The following DPP10 variants were observed in gnomAD, a reference collection of about 807,000 sequenced individuals.
DPP10 encodes inactive dipeptidyl peptidase 10.
Under a neutral mutation model 120.9 loss-of-function variants are expected in DPP10, and 33 were observed. The observed-to-expected ratio is 0.27, with a 90% CI of 0.21 to 0.37. DPP10 has a LOEUF of 0.37. Ranked by LOEUF, DPP10 falls within the 10% of genes least tolerant of loss-of-function variation. DPP10 has a pLI of 1.00. For missense variants in DPP10, 816 were observed against 942.8 expected (o/e 0.87, Z 1.76); for synonymous variants, 337 against 326.1 (o/e 1.03, Z -0.36).
At chr2:115,684,790 GAA>G (rs2090887148) in intron 5 of DPP10, among the ~76,000 whole-genome samples, 1 of 151,784 alleles carries the variant, frequency 6.6e-6, no homozygotes, top group Non-Finnish European at 1.5e-5. Flanking sequence ...AAAAAATTGT[GAA>G]AAACAGTTAA....
At chr2:115,294,890 C>T (rs928914104) in intron 1 of DPP10, among the ~76,000 whole-genome samples, 6 of 152,034 alleles carry the variant, frequency 3.9e-5, no homozygotes, top group African/African-American at 1.2e-4. Flanking sequence ...TGTCCCTCCC[C>T]AACCCCTCCT....
chr2:115,413,434 T>C (rs901196025), intron 3 of DPP10, among the ~76,000 whole-genome samples: 1 of 152,140 alleles, frequency 6.6e-6, no homozygotes, highest in Non-Finnish European at 1.5e-5. Context: ...TCCACAGTAG[T>C]GGAGCATGAG....
Position 115,797,943 on chromosome 2 carries a change from A to G in DPP10, c.1700+6587A>G, listed in dbSNP as rs145856645. Among the ~76,000 whole-genome samples the G allele has an allele frequency of 3.4e-3, 452 of 132,284 alleles. 2 individuals are homozygous for G. Among genetic ancestry groups the G allele is most frequent in the Middle Eastern group, 8.9e-3 (2 of 224 alleles). 86.8% of individuals were successfully genotyped at this position (132,284 alleles called of 152,430 possible). ...CTGGAATATATATATATGTGTATATATGTGTGTGTGTGTATATATATATAT... is the reference window on the plus strand; with the variant it reads ...CTGGAATATATATATATGTGTATATGTGTGTGTGTGTGTATATATATATAT... On this transcript the variant is annotated intron_variant, in intron 19 of 25. Transcript: ENST00000410059.
At chr2:114,899,540 A>G (rs1346703474) in intron 1 of DPP10, among the ~76,000 whole-genome samples, 1 of 151,994 alleles carries the variant, frequency 6.6e-6, no homozygotes, top group Admixed American at 6.6e-5. Flanking sequence ...TACTTTTACC[A>G]CCTAACTATG....
At chr2:115,719,072 T>C (rs1009517256) in intron 7 of DPP10, among the ~76,000 whole-genome samples, 3 of 152,216 alleles carry the variant, frequency 2.0e-5, no homozygotes, top group Non-Finnish European at 4.4e-5. Context: ...TCACGAGGTC[T>C]TCTCTTATGC....
intron 3 of DPP10, among the ~76,000 whole-genome samples, chr2:115,448,040 C>A (rs1005529495): frequency 6.6e-6 from 1 of 152,146 alleles, no homozygotes; most frequent in South Asian, 2.1e-4. Flanking sequence ...ATAGACATAA[C>A]ATTGTTTAAG....
intron 1 of DPP10, among the ~76,000 whole-genome samples, chr2:114,920,434 G>A (rs975218514): frequency 6.6e-6 from 1 of 152,118 alleles, no homozygotes; most frequent in Non-Finnish European, 1.5e-5. Context: ...ATACGTGCTA[G>A]CACCTTCAAT....
chr2:115,410,539 G>T (rs890450225), intron 3 of DPP10, among the ~76,000 whole-genome samples: 1 of 152,180 alleles, frequency 6.6e-6, no homozygotes, highest in Non-Finnish European at 1.5e-5. Context: ...ATACCTAGAT[G>T]ATGAGTTGAT....
chr2:115,173,286 T>A (rs1397670988), intron 1 of DPP10, among the ~76,000 whole-genome samples: 17 of 152,180 alleles, frequency 1.1e-4, no homozygotes. Context: ...ATTAGCTGCT[T>A]GGACTCAGAA....
chr2:114,785,863 A>G (rs976647820), intron 1 of DPP10, among the ~76,000 whole-genome samples: 5 of 152,222 alleles, frequency 3.3e-5, no homozygotes, highest in Admixed American at 6.5e-5. Flanking sequence ...GGTTAAATAA[A>G]CAACTAAGAG....
chr2:115,562,969 A>G (rs1484222837), intron 5 of DPP10, among the ~76,000 whole-genome samples: 6 of 152,210 alleles, frequency 3.9e-5, no homozygotes, highest in Non-Finnish European at 8.8e-5. Flanking sequence ...CCAGTTGGCT[A>G]TCTTTCTTTC....
rs66544851 is a variant in DPP10 at position 114,726,234 on chromosome 2, T to TAA, written c.60+283414_60+283415dup. Among the ~76,000 whole-genome samples the TAA allele has an allele frequency of 2.9e-3, 332 of 113,840 alleles. 1 individual carries two copies. Among genetic ancestry groups the TAA allele is most frequent in the African/African-American group, 8.7e-3 (264 of 30,474 alleles). The allele number at this position is 113,840 out of a possible 152,430, so 74.7% of individuals were successfully genotyped here. On this transcript the variant is annotated intron_variant, in intron 1 of 25. Transcript: ENST00000410059. Reference sequence around the variant, plus strand: ...CTGGGAAACAGAGCGAGACTACGTCTAAAAAAAAAAAAAAAAAAAGTTCTT... The same window carrying TAA: ...CTGGGAAACAGAGCGAGACTACGTCTAAAAAAAAAAAAAAAAAAAAAGTTCTT...
At chr2:115,381,107 T>C (rs1001871312) in intron 3 of DPP10, among the ~76,000 whole-genome samples, 56 of 152,360 alleles carry the variant, frequency 3.7e-4, no homozygotes, top group Admixed American at 3.4e-3. Flanking sequence ...CCTGCCTTGC[T>C]AAATTGGGGA....
At chr2:114,933,983 A>T (rs758455885) in intron 1 of DPP10, among the ~76,000 whole-genome samples, 2 of 152,196 alleles carry the variant, frequency 1.3e-5, no homozygotes, top group African/African-American at 2.4e-5. Flanking sequence ...ATTTTGAACA[A>T]GCTGCTATTA....
At chr2:115,216,590 C>G (rs1318799870) in intron 1 of DPP10, among the ~76,000 whole-genome samples, 1 of 151,968 alleles carries the variant, frequency 6.6e-6, no homozygotes, top group Non-Finnish European at 1.5e-5. Flanking sequence ...TCGAGAGAAG[C>G]CTGGCCAACA....
At chr2:115,399,371 T>C (rs1679430718) in intron 3 of DPP10, among the ~76,000 whole-genome samples, 1 of 152,178 alleles carries the variant, frequency 6.6e-6, no homozygotes, top group South Asian at 2.1e-4. Flanking sequence ...TCAAAACTCT[T>C]GATAGGCTTT....
intron 3 of DPP10, among the ~76,000 whole-genome samples, chr2:115,346,790 A>C (rs2063732039): frequency 6.6e-6 from 1 of 152,178 alleles, no homozygotes; most frequent in Non-Finnish European, 1.5e-5. Context: ...TATGACATTA[A>C]AGTTAACCCC....
chr2:115,654,301 T>A (rs1242881685), intron 5 of DPP10, among the ~76,000 whole-genome samples: 1 of 151,866 alleles, frequency 6.6e-6, no homozygotes, highest in Non-Finnish European at 1.5e-5. Flanking sequence ...CGAATTGCCT[T>A]TGTCATTTAA....
chr2:114,801,273 A>AAAAAAAAAAG (rs1278761461), intron 1 of DPP10, among the ~76,000 whole-genome samples: 1,901 of 77,584 alleles, frequency 0.025, 78 homozygotes, highest in African/African-American at 0.068. Context: ...AAAAAAAAAA[A>AAAAAAAAAAG]AAAAAAGAAA....
Sources: allele counts gnomAD v4.1 joint callset (sites outside exome capture counted in the v4.1 genomes callset), GRCh38; gene constraint gnomAD v4.1.1; transcripts MANE v1.5; gene names NCBI Gene and HGNC (gene_info 2026-07-23, HGNC 2026-07-21).